The following RNF38 variants were observed in gnomAD, a reference collection of about 807,000 sequenced individuals.
RNF38 encodes the protein ring finger protein 38.
In RNF38, 15 loss-of-function variants were observed where a neutral mutation model predicts 67.2. That is an observed-to-expected ratio of 0.22 (90% CI 0.15 to 0.34). The LOEUF (loss-of-function observed/expected upper bound fraction) is 0.34. Ranked by LOEUF, RNF38 falls within the 10% of genes least tolerant of loss-of-function variation. RNF38 has a pLI of 1.00. For synonymous variants in RNF38, 220 were observed against 218.8 expected, an observed-to-expected ratio of 1.01 and a Z score of -0.05; for missense variants, 524 against 639.9, an observed-to-expected ratio of 0.82 and a Z score of 1.95.
chr9:36,342,352 A>G lies in RNF38; in HGVS notation c.1458T>C (p.His486=), dbSNP rs746380035. ...LRVLPCNHEF[H]AKCVDKWLKA... ...TAAGCCATTTGTCAACACACTTGGC[A>G]TGGAACTCGTGGTTACAGGGTAAGA... The change falls in exon 11 of 12, where the codon CAT becomes CAC. Residue 486 remains histidine, a synonymous_variant. Coordinates refer to ENST00000259605, the MANE Select transcript of RNF38 (RefSeq NM_022781.5). 1 of 1,613,376 alleles carries G rather than the reference A, an allele frequency of 6.2e-7. No individual in the cohort carries two copies. Among genetic ancestry groups the G allele is most frequent in the East Asian group, 2.2e-5 (1 of 44,862 alleles).
intron 2 of RNF38, among the ~76,000 whole-genome samples, chr9:36,419,333 C>CT (rs1322652208): frequency 6.6e-6 from 1 of 152,176 alleles, no homozygotes. Flanking sequence ...TGGATGGGTG[C>CT]TTTTTTCCAA....
intron 4 of RNF38, among the ~76,000 whole-genome samples, chr9:36,367,604 T>C (rs1835077596): frequency 1.3e-5 from 2 of 152,188 alleles, no homozygotes; most frequent in South Asian, 4.1e-4. Flanking sequence ...AAAATTGTTC[T>C]CATACCTTCT....
Position 36,339,338 on chromosome 9 carries a change from C to G in RNF38, c.*414G>C, listed in dbSNP as rs776577559. 5.6e-6 allele frequency: 1 copy of G among 177,948 alleles called. No individual in the cohort carries two copies. The highest frequency in any genetic ancestry group is 2.4e-5 in the African/African-American group (1 of 42,490). The allele number at this position is 177,948 out of a possible 1,614,324, so 11.0% of individuals were successfully genotyped here. ...GATACACTTATCACCAACAGTCATACGCTGCGCATTCATTTCCACTCACAG... is the reference window on the plus strand; with the variant it reads ...GATACACTTATCACCAACAGTCATAGGCTGCGCATTCATTTCCACTCACAG... On this transcript the variant is annotated 3_prime_UTR_variant, in exon 12 of 12. Transcript: ENST00000259605.
At chr9:36,430,255 G>A (rs1259869537) in intron 1 of RNF38, among the ~76,000 whole-genome samples, 5 of 152,162 alleles carry the variant, frequency 3.3e-5, no homozygotes, top group African/African-American at 9.7e-5. Context: ...TGCCCAGGCT[G>A]GAGTGCAATG....
At chr9:36,377,691 G>T (rs1206082070) in intron 2 of RNF38, among the ~76,000 whole-genome samples, 7 of 152,172 alleles carry the variant, frequency 4.6e-5, no homozygotes, top group Middle Eastern at 3.4e-3. Context: ...ATCTTAAGAC[G>T]CTCAGGTTCC....
chr9:36,366,123 A>G (rs1484019780), intron 4 of RNF38, among the ~76,000 whole-genome samples: 11 of 152,072 alleles, frequency 7.2e-5, no homozygotes, highest in Admixed American at 5.9e-4. Flanking sequence ...TAGCCAATCC[A>G]CCTGAATATA....
At chr9:36,380,065 C>G (rs1456395022) in intron 2 of RNF38, among the ~76,000 whole-genome samples, 1 of 152,140 alleles carries the variant, frequency 6.6e-6, no homozygotes, top group Non-Finnish European at 1.5e-5. Flanking sequence ...CATGAAAGAT[C>G]ACTACTGTAG....
At chr9:36,368,096 C>T (rs929067751) in intron 4 of RNF38, among the ~76,000 whole-genome samples, 6 of 152,164 alleles carry the variant, frequency 3.9e-5, no homozygotes, top group South Asian at 4.1e-4. Flanking sequence ...TCAGGTGATC[C>T]GCCTGCTTCA....
intron 2 of RNF38, among the ~76,000 whole-genome samples, chr9:36,419,139 C>T (rs1236108667): frequency 6.6e-6 from 1 of 152,134 alleles, no homozygotes; most frequent in African/African-American, 2.4e-5. Flanking sequence ...CTCAATGGAA[C>T]ATTTTGGATT....
At chr9:36,478,774 G>A (rs1007921878) in intron 1 of RNF38, among the ~76,000 whole-genome samples, 2 of 147,530 alleles carry the variant, frequency 1.4e-5, no homozygotes, top group Non-Finnish European at 3.0e-5. Flanking sequence ...CCGAGATGGC[G>A]CCACTGCACT....
intron 2 of RNF38, among the ~76,000 whole-genome samples, chr9:36,386,493 T>C (rs1587577440): frequency 6.6e-6 from 1 of 152,318 alleles, no homozygotes; most frequent in Non-Finnish European, 1.5e-5. Context: ...AATTTAACTT[T>C]AGTAAATTTG....
chr9:36,444,266 A>C (rs1839254692), intron 1 of RNF38, among the ~76,000 whole-genome samples: 2 of 152,172 alleles, frequency 1.3e-5, no homozygotes, highest in African/African-American at 4.8e-5. Flanking sequence ...CAGTTCACTG[A>C]AACCAAAGGC....
chr9:36,448,286 A>G (rs922181781), intron 1 of RNF38, among the ~76,000 whole-genome samples: 6 of 152,256 alleles, frequency 3.9e-5, no homozygotes, highest in African/African-American at 1.4e-4. Context: ...GATCAAATAT[A>G]GCAGAATCTT....
At chr9:36,376,182 T>C (rs1434936572) in intron 2 of RNF38, 55 bp from the exon 3 acceptor site, 16 of 1,322,016 alleles carry the variant, frequency 1.2e-5, no homozygotes, top group Middle Eastern at 2.1e-4. Context: ...GATTTCACAT[T>C]ACTGCATATG....
intron 3 of RNF38, among the ~76,000 whole-genome samples, chr9:36,371,443 CTT>C (rs537986184): frequency 1.0e-3 from 133 of 131,504 alleles, no homozygotes; most frequent in African/African-American, 3.3e-3. Flanking sequence ...GGACTAAAAG[CTT>C]TTTTTTTTTT....
At chr9:36,368,982 G>A (rs772687574) in intron 4 of RNF38, among the ~76,000 whole-genome samples, 5 of 151,924 alleles carry the variant, frequency 3.3e-5, no homozygotes, top group African/African-American at 7.3e-5. Context: ...TCTCTCCTCA[G>A]CTGGTCCCTC....
chr9:36,430,740 GGGGT>G (rs1463161086), intron 1 of RNF38, among the ~76,000 whole-genome samples: 1 of 151,832 alleles, frequency 6.6e-6, no homozygotes, highest in Middle Eastern at 3.2e-3. Context: ...TCGGGCGGCG[GGGGT>G]GCGGTTTCCA....
At chr9:36,376,832 A>C (rs1483127048) in intron 2 of RNF38, among the ~76,000 whole-genome samples, 3 of 151,454 alleles carry the variant, frequency 2.0e-5, no homozygotes, top group Non-Finnish European at 2.9e-5. Flanking sequence ...AGGTTGAGGC[A>C]GGAGAATCGC....
rs1472093544 is a variant in RNF38, at chr9:36,435,180, A to G, written n.242-10497T>C. ...ATAAGTCTAGGGAGAACAACGAAGC[A>G]GGACAGGCATCAAAGAAAGCCTTTT... On this transcript the variant is annotated intron_variant and non_coding_transcript_variant, in intron 1 of 3. Transcript: ENST00000488058. Among the ~76,000 whole-genome samples, 5 of 152,256 alleles carry G rather than the reference A, an allele frequency of 3.3e-5. No homozygotes were observed. In the East Asian group the frequency reaches 9.6e-4, roughly 29 times the overall value.
Sources: allele counts gnomAD v4.1 joint callset (sites outside exome capture counted in the v4.1 genomes callset), GRCh38; gene constraint gnomAD v4.1.1; transcripts MANE v1.5; gene names NCBI Gene and HGNC (gene_info 2026-07-23, HGNC 2026-07-21).